CLCN1: variants seen among roughly 807,000 people sequenced by gnomAD.
The protein encoded by CLCN1 is chloride channel protein 1.
Under a neutral mutation model 114.5 loss-of-function variants are expected in CLCN1, and 100 were observed. The ratio of observed to expected loss-of-function variants is 0.87; its 90% CI spans 0.74 to 1.03. CLCN1 has a LOEUF of 1.03. Among genes scored for constraint, CLCN1 ranks in the 50% least tolerant of loss-of-function variants. The probability of loss-of-function intolerance (pLI) is 0.00; values close to 1 mark genes in which losing one functional copy is unlikely to be tolerated. For synonymous variants in CLCN1, 485 were observed against 487.1 expected, an observed-to-expected ratio of 1.00 and a Z score of 0.06; for missense variants, 1,188 against 1,250.0, an observed-to-expected ratio of 0.95 and a Z score of 0.75.
Position 143,350,688 on chromosome 7 carries a change from G to T in CLCN1, c.2595+34G>T. On this transcript the variant is annotated intron_variant, in intron 22 of 22. Coordinates refer to ENST00000343257, the MANE Select transcript of CLCN1 (RefSeq NM_000083.3). This position sits in a 1 kb window ranked among gnomAD's most constrained non-coding sequence, Gnocchi z 5.1. ...GATGTGTCCCATTTGAGCAGCAGGA[G>T]GGAGGCTGGGCATAGGATAAGGGGA... 6.5e-7 allele frequency: 1 copy of T among 1,531,206 alleles called. No homozygotes were observed. 94.9% of individuals were successfully genotyped at this position (1,531,206 alleles called of 1,614,324 possible).
intron 1 of CLCN1, 66 bp downstream of exon 1, chr7:143,316,458 A>G (rs1802295343): frequency 6.9e-7 from 1 of 1,443,150 alleles, no homozygotes; most frequent in South Asian, 1.2e-5. Flanking sequence ...GAGACTGGTG[A>G]AAATGAGGAA....
At position 143,345,463 on chromosome 7, in the gene CLCN1, C is replaced by A. The variant is rs543780953; in HGVS notation, c.1931-58C>A. 155 of 1,479,006 alleles carry A rather than the reference C, an allele frequency of 1.0e-4. No individual in the cohort carries two copies. The East Asian group carries it at 1.9e-3, about 18-fold the overall frequency. 91.6% of individuals were successfully genotyped at this position (1,479,006 alleles called of 1,614,324 possible). On this transcript the variant is annotated intron_variant, in intron 16 of 22. Transcript: ENST00000343257. ...CCTGTTCCTTCTCAGGAGTGCGGAGCGCGGTGGTGCGAGAGGGCTTGGAGG... is the reference window on the plus strand; with the variant it reads ...CCTGTTCCTTCTCAGGAGTGCGGAGAGCGGTGGTGCGAGAGGGCTTGGAGG...
rs368382607 is a variant in CLCN1 at position 143,339,460 on chromosome 7, G to A, written c.1472-51G>A. The A allele has an allele frequency of 1.2e-5, 18 of 1,474,216 alleles. No individual in the cohort carries two copies. In the African/African-American group the frequency reaches 2.1e-4, roughly 17 times the overall value. The allele number at this position is 1,474,216 out of a possible 1,614,324, so 91.3% of individuals were successfully genotyped here. On this transcript the variant is annotated intron_variant, in intron 13 of 22. Transcript: ENST00000343257. The surrounding 1 kb of genome is among the most constrained non-coding windows in gnomAD (Gnocchi z 4.1). ...GAGAGATTGGTTCTGAAAACTGAGA[G>A]CAAGGAACTTGGATCTCGTAACACC...
Position 143,345,654 on chromosome 7 carries a change from G to C in CLCN1, c.2064G>C (p.Gly688=), listed in dbSNP as rs753382961. ...ARKLSELPYD[G]KARLAGEGLP... ...AGTTGTCGGAGCTGCCTTACGACGG[G>C]AAGGCGCGGCTGGCTGGGGAGGGGC... is the stretch of plus-strand genomic sequence containing the variant. Residue 688 remains glycine, a synonymous_variant, in exon 17 of 23, where the codon GGG becomes GGC. Coordinates refer to ENST00000343257, the MANE Select transcript of CLCN1 (RefSeq NM_000083.3). 1 of 1,566,236 alleles carries C rather than the reference G, an allele frequency of 6.4e-7. No individual in the cohort carries two copies. The highest frequency in any genetic ancestry group is 8.6e-7 in the Non-Finnish European group (1 of 1,156,100).
chr7:143,338,123 C>T (rs918126524), intron 12 of CLCN1, among the ~76,000 whole-genome samples: 1 of 152,092 alleles, frequency 6.6e-6, no homozygotes, highest in East Asian at 1.9e-4. Flanking sequence ...GGATTACAGG[C>T]GTGAGCCTCT....
chr7:143,324,639 T>C lies in CLCN1; in HGVS notation c.853+147T>C. ...TAAGCCTTTGCTATGTGCCAGGCAA[T>C]GTTTAAAGCACTTACTTTTATTCCT... On this transcript the variant is annotated intron_variant, in intron 7 of 22. Transcript: ENST00000343257. This position sits in a 1 kb window ranked among gnomAD's most constrained non-coding sequence, Gnocchi z 4.6. 1 of 719,428 alleles carries C rather than the reference T, an allele frequency of 1.4e-6. No individual in the cohort carries two copies. Among genetic ancestry groups the C allele is most frequent in the Non-Finnish European group, 2.6e-6 (1 of 390,926 alleles). 44.6% of individuals were successfully genotyped at this position (719,428 alleles called of 1,614,324 possible).
rs770632948 is a variant in CLCN1 at position 143,351,609 on chromosome 7, G to A, written c.2611G>A (p.Glu871Lys). The change falls in exon 23 of 23, where the codon GAG (glutamate) becomes AAG (lysine). Residue 871 changes from glutamate (E) to lysine (K), a missense_variant. Physicochemically the swap from Glu to Lys is moderately conservative, Grantham distance 56. Transcript: ENST00000343257. ...TGCTCTTCAGCTACAGAAGGCCATT[G>A]AGGGGCACACCAAGTCTGGGGTGCA... ...LALEELQKAI[E>K]GHTKSGVQLR... 9 of 1,613,914 alleles carry A rather than the reference G, an allele frequency of 5.6e-6. No homozygotes were observed. Among genetic ancestry groups the A allele is most frequent in the South Asian group, 2.2e-5 (2 of 91,064 alleles).
intron 7 of CLCN1, among the ~76,000 whole-genome samples, chr7:143,330,534 A>T (rs1337104919): frequency 6.6e-6 from 1 of 152,164 alleles, no homozygotes; most frequent in East Asian, 1.9e-4. Flanking sequence ...TTGAAGGCCC[A>T]TTCGTTTTCA....
rs59572880 is a variant in CLCN1, at chr7:143,320,553, T to TTCTCTCTC, written c.302-85_302-78dup. Reference sequence around the variant, plus strand: ...TAAAGTAGTGACTCGTTAGCTGCTTTTCTCTCTCTCTCTCTCTCTCTCTCT... The same window carrying TTCTCTCTC: ...TAAAGTAGTGACTCGTTAGCTGCTTTTCTCTCTCTCTCTCTCTCTCTCTCTCTCTCTCT... On this transcript the variant is annotated intron_variant, in intron 2 of 22. Coordinates refer to ENST00000343257, the MANE Select transcript of CLCN1 (RefSeq NM_000083.3). 3,725 of 673,306 alleles carry TTCTCTCTC rather than the reference T, an allele frequency of 5.5e-3. 14 individuals carry two copies. Among genetic ancestry groups the TTCTCTCTC allele is most frequent in the African/African-American group, 0.018 (932 of 51,238 alleles). The allele number at this position is 673,306 out of a possible 1,614,324, so 41.7% of individuals were successfully genotyped here.
intron 1 of CLCN1, 116 bp downstream of exon 1, chr7:143,316,508 T>A: frequency 1.0e-6 from 1 of 975,770 alleles, no homozygotes; most frequent in Non-Finnish European, 1.5e-6. Flanking sequence ...TTTTTTAACT[T>A]AAAAAACAAG....
chr7:143,342,502 A>G lies in CLCN1; in HGVS notation c.1927A>G (p.Lys643Glu), dbSNP rs561549978. ...TVKTLPLVDS[K>E]DSMILLGSVE... ...CAAGACTTTACCACTGGTTGACTCA[A>G]AAGGTCAGTGGGGAGGAAGAAGTCG... The change falls in exon 16 of 23, where the codon AAA (lysine) becomes GAA (glutamate). Residue 643 changes from lysine (K) to glutamate (E), a missense_variant. Transcript: ENST00000343257. 1.2e-6 allele frequency: 2 copies of G among 1,614,104 alleles called. No individual in the cohort carries two copies. Among genetic ancestry groups the G allele is most frequent in the Admixed American group, 1.7e-5 (1 of 60,016 alleles).
Position 143,321,945 on chromosome 7 carries a change from G to A in CLCN1, c.696+97G>A, listed in dbSNP as rs1802451733. 3.7e-5 allele frequency: 53 copies of A among 1,426,644 alleles called. No homozygotes were observed. Among genetic ancestry groups the A allele is most frequent in the Non-Finnish European group, 4.8e-5 (50 of 1,043,692 alleles). The allele number at this position is 1,426,644 out of a possible 1,614,324, so 88.4% of individuals were successfully genotyped here. ...GAGCTCTGGGAGTGGAAGTGGATCA[G>A]GGGACAGGACCAAGGCCAGGGCCAG... is the stretch of plus-strand genomic sequence containing the variant. On this transcript the variant is annotated intron_variant, in intron 5 of 22. Transcript: ENST00000343257. The surrounding 1 kb of genome is among the most constrained non-coding windows in gnomAD (Gnocchi z 4.2).
chr7:143,345,105 C>CT (rs1171982896), intron 16 of CLCN1, among the ~76,000 whole-genome samples: 1 of 152,138 alleles, frequency 6.6e-6, no homozygotes, highest in African/African-American at 2.4e-5. Context: ...CCTTGTTTCC[C>CT]TTTTTCCAGG....
rs121912801 is a variant in CLCN1, at chr7:143,339,527, G to T, written c.1488G>T (p.Arg496Ser). 1.7e-5 allele frequency: 28 copies of T among 1,613,452 alleles called. No individual in the cohort carries two copies. Among genetic ancestry groups the T allele is most frequent in the Admixed American group, 5.0e-5 (3 of 59,992 alleles). The change falls in exon 14 of 23, where the codon AGG becomes AGT. Residue 496 changes from arginine (R) to serine (S), a missense_variant. Arg to Ser is a moderately radical substitution (Grantham distance 110). Coordinates refer to ENST00000343257, the MANE Select transcript of CLCN1 (RefSeq NM_000083.3). This position sits in a 1 kb window ranked among gnomAD's most constrained non-coding sequence, Gnocchi z 4.1. ...TCCCTCTAGGAGCTGCATTTGGAAG[G>T]CTGGTAGGAGAAATCATGGCCATGC... ...PVFVLGAAFG[R>S]LVGEIMAMLF...
rs1237171599 is a variant in CLCN1 at position 143,332,520 on chromosome 7, G to A, written c.1251+17G>A. The A allele has an allele frequency of 6.2e-7, 1 of 1,602,144 alleles. No homozygotes were observed. The highest frequency in any genetic ancestry group is 1.1e-5 in the South Asian group (1 of 90,836). On this transcript the variant is annotated intron_variant, in intron 11 of 22. Transcript: ENST00000343257. ...GCTGGAGAGGTCAGCTGTTGGTGGG[G>A]CCACATGGTAAAGAGGAAACAGCAC...
intron 12 of CLCN1, among the ~76,000 whole-genome samples, chr7:143,333,228 G>C (rs1802778283): frequency 6.6e-6 from 1 of 152,086 alleles, no homozygotes; most frequent in Non-Finnish European, 1.5e-5. Context: ...TTGAACCTGG[G>C]AAGTGGAGGT....
Position 143,351,767 on chromosome 7 carries a change from T to C in CLCN1, c.2769T>C (p.Ile923=), listed in dbSNP as rs766345731. ...GGGCCACTGGAACAGGGGATGTGAT[T>C]GCTGCCTCCCCAGAGACCCCTGTGC... ...RPGATGTGDV[I]AASPETPVPS... The change falls in exon 23 of 23, where the codon ATT becomes ATC. Residue 923 remains isoleucine, a synonymous_variant. Transcript: ENST00000343257. 1 of 1,614,172 alleles carries C rather than the reference T, an allele frequency of 6.2e-7. No individual in the cohort carries two copies. The highest frequency in any genetic ancestry group is 1.7e-5 in the Admixed American group (1 of 60,030).
At chr7:143,346,682 T>C in intron 19 of CLCN1, 24 bp downstream of exon 19, 1 of 1,591,422 alleles carries the variant, frequency 6.3e-7, no homozygotes, top group South Asian at 1.1e-5. Flanking sequence ...TGTTTGGGGA[T>C]ACAGGGGAAA....
intron 20 of CLCN1, among the ~76,000 whole-genome samples, chr7:143,349,115 G>A (rs932784183): frequency 6.6e-6 from 1 of 152,154 alleles, no homozygotes; most frequent in Admixed American, 6.5e-5. Flanking sequence ...AGGCAAAAAC[G>A]GAACATAAGG....
Sources: allele counts gnomAD v4.1 joint callset (sites outside exome capture counted in the v4.1 genomes callset), GRCh38; gene constraint gnomAD v4.1.1; non-coding constraint Gnocchi (gnomAD v3.1); transcripts MANE v1.5; gene names NCBI Gene and HGNC (gene_info 2026-07-23, HGNC 2026-07-21).